The following ITPR1 variants were observed in gnomAD, a reference collection of about 807,000 sequenced individuals.
ITPR1 encodes the protein inositol 1,4,5-trisphosphate-gated calcium channel ITPR1.
In ITPR1, 96 loss-of-function variants were observed where a neutral mutation model predicts 318.4. The ratio of observed to expected loss-of-function variants is 0.30; its 90% CI spans 0.26 to 0.36. The LOEUF (loss-of-function observed/expected upper bound fraction) is 0.36, where lower values mean the gene tolerates loss of function less well. ITPR1 is among the 10% of genes least tolerant of loss of function. The pLI, the probability that ITPR1 is intolerant of heterozygous loss-of-function variation, is 1.00. For synonymous variants in ITPR1, 1,312 were observed against 1,289.9 expected, an observed-to-expected ratio of 1.02 and a Z score of -0.37; for missense variants, 2,440 against 3,460.2, an observed-to-expected ratio of 0.71 and a Z score of 7.40.
chr3:4,830,818 A>G (rs1215944565), intron 60 of ITPR1: 1 of 403,572 alleles, frequency 2.5e-6, no homozygotes, highest in Non-Finnish European at 4.9e-6. Flanking sequence ...TCTAGGACCC[A>G]TCTTCTCCCC....
chr3:4,617,988 CAAAA>C (rs71053433), intron 4 of ITPR1, among the ~76,000 whole-genome samples: 1 of 131,748 alleles, frequency 7.6e-6, no homozygotes. Flanking sequence ...GTGCGTATCT[CAAAA>C]AAAAAAAAAA....
At chr3:4,724,219 G>C (rs772019698) in intron 40 of ITPR1, among the ~76,000 whole-genome samples, 1 of 152,144 alleles carries the variant, frequency 6.6e-6, no homozygotes, top group African/African-American at 2.4e-5. Flanking sequence ...AGCAACCCTT[G>C]TTGTCTTTGC....
At chr3:4,677,884 C>G (rs11716177) in intron 24 of ITPR1, among the ~76,000 whole-genome samples, 1 of 150,930 alleles carries the variant, frequency 6.6e-6, no homozygotes, top group Non-Finnish European at 1.5e-5. Flanking sequence ...AAGGCTTGGT[C>G]GTAGGCATGA....
At chr3:4,693,439 T>C (rs2094510211) in intron 32 of ITPR1, 51 bp from the exon 33 acceptor site, 1 of 1,586,074 alleles carries the variant, frequency 6.3e-7, no homozygotes, top group African/African-American at 1.3e-5. Flanking sequence ...TTTTTCATGC[T>C]GCCCCACCCC....
rs991149405 is a variant in ITPR1, at chr3:4,567,781, T to A, written c.163+46687T>A. Among the ~76,000 whole-genome samples, 21 of 152,120 alleles carry A rather than the reference T, an allele frequency of 1.4e-4. No homozygotes were observed. In the South Asian group the frequency reaches 2.7e-3, roughly 20 times the overall value. ...CACACCCAGCTAATTTTTTTGTACT[T>A]TTAGTAGAGATGGGATTTCACCATG... On this transcript the variant is annotated intron_variant, in intron 4 of 61. Coordinates refer to ENST00000649015, the MANE Select transcript of ITPR1 (RefSeq NM_001378452.1).
At chr3:4,603,577 G>C (rs1029841540) in intron 4 of ITPR1, among the ~76,000 whole-genome samples, 2 of 152,006 alleles carry the variant, frequency 1.3e-5, no homozygotes, top group Non-Finnish European at 2.9e-5. Context: ...CTACAGGGGC[G>C]CGCCACCACA....
intron 44 of ITPR1, chr3:4,749,298 C>G (rs2044330129): frequency 6.6e-6 from 1 of 152,140 alleles, no homozygotes; most frequent in South Asian, 2.1e-4. Context: ...ACCCAATTCC[C>G]TGCCTTCATT....
chr3:4,494,250 C>A (rs148143692), intron 1 of ITPR1, among the ~76,000 whole-genome samples, 181 bp from the exon 2 acceptor site: 1 of 152,250 alleles, frequency 6.6e-6, no homozygotes. Flanking sequence ...AATAAGTAAG[C>A]GTAGTTACCT....
intron 5 of ITPR1, among the ~76,000 whole-genome samples, chr3:4,637,109 T>G (rs1462496382): frequency 6.6e-6 from 1 of 152,256 alleles, no homozygotes; most frequent in African/African-American, 2.4e-5. Flanking sequence ...TTAAGAACTC[T>G]CTAAAGGTGA....
chr3:4,630,763 GT>G (rs1270156494), intron 5 of ITPR1, among the ~76,000 whole-genome samples: 4 of 151,644 alleles, frequency 2.6e-5, no homozygotes, highest in Admixed American at 1.3e-4. Flanking sequence ...TTTTTTTGTA[GT>G]TTTAGTAGAG....
At chr3:4,515,099 G>C (rs965888849) in intron 2 of ITPR1, among the ~76,000 whole-genome samples, 2 of 152,100 alleles carry the variant, frequency 1.3e-5, no homozygotes, top group Admixed American at 1.3e-4. Flanking sequence ...TATCTCTCCT[G>C]CAATGTCTGG....
At chr3:4,835,484 C>CA (rs2050834557) in intron 60 of ITPR1, among the ~76,000 whole-genome samples, 1 of 152,100 alleles carries the variant, frequency 6.6e-6, no homozygotes, top group African/African-American at 2.4e-5. Context: ...AGGTGGCCCA[C>CA]AAAGCTGAAA....
At chr3:4,601,110 C>T (rs2091239818) in intron 4 of ITPR1, among the ~76,000 whole-genome samples, 1 of 151,144 alleles carries the variant, frequency 6.6e-6, no homozygotes, top group Admixed American at 6.6e-5. Flanking sequence ...GGAAGGAAAC[C>T]CATAATTTAT....
chr3:4,518,335 G>C (rs891756317), intron 3 of ITPR1, among the ~76,000 whole-genome samples: 2 of 152,130 alleles, frequency 1.3e-5, no homozygotes, highest in Non-Finnish European at 1.5e-5. Flanking sequence ...AAAATCATAT[G>C]AAGTGCTTTT....
At chr3:4,744,429 C>A (rs1238571681) in intron 44 of ITPR1, among the ~76,000 whole-genome samples, 1 of 152,182 alleles carries the variant, frequency 6.6e-6, no homozygotes, top group African/African-American at 2.4e-5. Context: ...CAGTCTTCCT[C>A]TGGAGGTTCA....
intron 4 of ITPR1, among the ~76,000 whole-genome samples, chr3:4,590,870 C>G (rs117786105): frequency 1.3e-5 from 2 of 152,174 alleles, no homozygotes; most frequent in African/African-American, 4.8e-5. Context: ...CTGCCCCTCT[C>G]TCTCCTTCCA....
At chr3:4,784,508 T>C (rs1392204436) in intron 51 of ITPR1, among the ~76,000 whole-genome samples, 2 of 151,124 alleles carry the variant, frequency 1.3e-5, no homozygotes, top group African/African-American at 4.9e-5. Context: ...CCCAGAGCAA[T>C]GGGGAACCAC....
chr3:4,517,280 A>G (rs2082238223), intron 3 of ITPR1, among the ~76,000 whole-genome samples: 1 of 152,354 alleles, frequency 6.6e-6, no homozygotes, highest in Non-Finnish European at 1.5e-5. Flanking sequence ...ATGGAGAATC[A>G]AGATGGTTAA....
At chr3:4,777,472 A>G (rs1195104619) in intron 48 of ITPR1, 98 bp downstream of exon 48, 2 of 711,986 alleles carry the variant, frequency 2.8e-6, no homozygotes, top group Middle Eastern at 2.4e-4. Flanking sequence ...ATGAGAGTAA[A>G]TATTAAAGAT....
Sources: gnomAD v4.1 joint callset for allele counts (sites outside exome capture counted in the v4.1 genomes callset) on GRCh38, gnomAD v4.1.1 for gene constraint, MANE v1.5 for transcripts, NCBI Gene and HGNC (gene_info 2026-07-23, HGNC 2026-07-21) for gene names.